Variants in KIRREL3 observed in about 807,000 individuals in gnomAD.
KIRREL3 encodes kin of IRRE-like protein 3.
A neutral mutation model predicts 89.7 loss-of-function variants in KIRREL3; 36 were observed. That is an observed-to-expected ratio of 0.40 (90% CI 0.31 to 0.53). The LOEUF (loss-of-function observed/expected upper bound fraction) is 0.53. Ranked by LOEUF, KIRREL3 falls within the 20% of genes least tolerant of loss-of-function variation. The probability of loss-of-function intolerance (pLI) is 0.49; values close to 1 mark genes in which losing one functional copy is unlikely to be tolerated. For synonymous variants in KIRREL3, 445 were observed against 441.4 expected, an observed-to-expected ratio of 1.01 and a Z score of -0.10; for missense variants, 864 against 1,056.6, an observed-to-expected ratio of 0.82 and a Z score of 2.53.
At chr11:126,600,662 G>T in intron 1 of KIRREL3, among the ~76,000 whole-genome samples, 1 of 152,146 alleles carries the variant, frequency 6.6e-6, no homozygotes, top group East Asian at 1.9e-4. Context: ...CAGAAAAAAT[G>T]GAAGAAAGAC....
intron 2 of KIRREL3, among the ~76,000 whole-genome samples, chr11:126,548,914 C>G (rs369487554): frequency 1.9e-4 from 29 of 152,286 alleles, no homozygotes; most frequent in Middle Eastern, 3.4e-3. Context: ...CAGCCACACT[C>G]ACACCTCTGT....
At position 126,923,213 on chromosome 11, in the gene KIRREL3, CTTCTTCTTCT is replaced by C. The variant is rs1565423580; in HGVS notation, c.55+77232_55+77241del. On this transcript the variant is annotated intron_variant, in intron 1 of 16. Coordinates refer to ENST00000525144, the MANE Select transcript of KIRREL3 (RefSeq NM_032531.4). Reference sequence around the variant, plus strand: ...TCTTCTTCTTCTTCTTCTTCTTCTTCTTCTTCTTCTTCTTCTTCTTCTTCTTCTTCTTCTT... The same window carrying C: ...TCTTCTTCTTCTTCTTCTTCTTCTTCTCTTCTTCTTCTTCTTCTTCTTCTT... Among the ~76,000 whole-genome samples, 11 of 19,250 alleles carry C rather than the reference CTTCTTCTTCT, an allele frequency of 5.7e-4. 1 individual carries two copies. The highest frequency in any genetic ancestry group is 1.6e-3 in the Admixed American group (3 of 1,928). The allele number at this position is 19,250 out of a possible 152,430, so 12.6% of individuals were successfully genotyped here.
At chr11:126,863,424 TGTGTGTGAGTGC>T (rs1337825388) in intron 1 of KIRREL3, among the ~76,000 whole-genome samples, 2 of 7,230 alleles carry the variant, frequency 2.8e-4, no homozygotes, top group Non-Finnish European at 5.2e-4. Context: ...TGTGAGCGCA[TGTGTGTGAGTGC>T]GTGTGTGAGT....
chr11:126,906,314 G>A lies in KIRREL3; in HGVS notation c.55+94141C>T, dbSNP rs146498538. Among the ~76,000 whole-genome samples the A allele has an allele frequency of 7.5e-4, 114 of 152,256 alleles. No individual in the cohort carries two copies. The highest frequency in any genetic ancestry group is 1.4e-3 in the Non-Finnish European group (93 of 68,022). ...TTGTGTGACTGATGAGCCACTTTTCGTTGTTTGCTTTCTTAAAAATAAGCA... is the reference window on the plus strand; with the variant it reads ...TTGTGTGACTGATGAGCCACTTTTCATTGTTTGCTTTCTTAAAAATAAGCA... On this transcript the variant is annotated intron_variant, in intron 1 of 16. Transcript: ENST00000525144. This position sits in a 1 kb window ranked among gnomAD's most constrained non-coding sequence, Gnocchi z 4.1.
At chr11:126,753,462 A>G (rs1949401590) in intron 1 of KIRREL3, among the ~76,000 whole-genome samples, 1 of 152,242 alleles carries the variant, frequency 6.6e-6, no homozygotes, top group African/African-American at 2.4e-5. Flanking sequence ...CAATTGAAAA[A>G]GAGGCTTTTG....
chr11:126,572,061 A>C (rs536437608), intron 1 of KIRREL3, among the ~76,000 whole-genome samples: 1 of 152,220 alleles, frequency 6.6e-6, no homozygotes, highest in Non-Finnish European at 1.5e-5. Flanking sequence ...GATGCTCGAC[A>C]GCTATGTGTC....
At position 126,459,073 on chromosome 11, in the gene KIRREL3, G is replaced by A. The variant is rs1185412840; in HGVS notation, c.743-2619C>T. 5.9e-5 allele frequency among the ~76,000 whole-genome samples: 9 copies of A among 152,108 alleles called. No individual in the cohort carries two copies. Among genetic ancestry groups the A allele is most frequent in the African/African-American group, 1.4e-4 (6 of 41,468 alleles). On this transcript the variant is annotated intron_variant, in intron 6 of 16. Coordinates refer to ENST00000525144, the MANE Select transcript of KIRREL3 (RefSeq NM_032531.4). This position sits in a 1 kb window ranked among gnomAD's most constrained non-coding sequence, Gnocchi z 4.8. The stretch of plus-strand genomic sequence containing the variant: ...GCAGAGGAGCTTGGGAATCGCCACC[G>A]GATCCAAACGCATTGCTGGCCCGTG...
intron 5 of KIRREL3, among the ~76,000 whole-genome samples, chr11:126,472,426 C>A (rs1217606182): frequency 6.6e-6 from 1 of 152,156 alleles, no homozygotes; most frequent in African/African-American, 2.4e-5. Flanking sequence ...GTGGAAGGGA[C>A]AAGGGGTCTC....
rs1955583652 is a variant in KIRREL3 at position 126,441,986 on chromosome 11, T to C, written c.1253-1437A>G. On this transcript the variant is annotated intron_variant, in intron 10 of 16. Transcript: ENST00000525144. This position sits in a 1 kb window ranked among gnomAD's most constrained non-coding sequence, Gnocchi z 5.0. ...AAAACGTGATGATAATATAAAACCT[T>C]TTCTGGTCAGGTGCGGTGGCTCACA... Among the ~76,000 whole-genome samples, 1 of 152,044 alleles carries C rather than the reference T, an allele frequency of 6.6e-6. No individual in the cohort carries two copies. The highest frequency in any genetic ancestry group is 1.5e-5 in the Non-Finnish European group (1 of 68,014).
intron 1 of KIRREL3, among the ~76,000 whole-genome samples, chr11:126,836,410 C>T (rs1366803404): frequency 6.6e-6 from 1 of 152,142 alleles, no homozygotes; most frequent in East Asian, 1.9e-4. Context: ...TGTGCCCTTA[C>T]CAGGATTCTA....
Position 126,687,902 on chromosome 11 carries a change from C to T in KIRREL3, c.56-124990G>A, listed in dbSNP as rs1450199239. Among the ~76,000 whole-genome samples the T allele has an allele frequency of 2.0e-5, 3 of 151,934 alleles. No homozygotes were observed. Among genetic ancestry groups the T allele is most frequent in the African/African-American group, 4.8e-5 (2 of 41,340 alleles). ...GCGAGGGAGAAAGCCCTCCTAGGCC[C>T]GAAGCAGCAAAAGAAAGCATCTAGA... On this transcript the variant is annotated intron_variant, in intron 1 of 16. Transcript: ENST00000525144. The surrounding 1 kb of genome is among the most constrained non-coding windows in gnomAD (Gnocchi z 4.6).
chr11:126,680,397 G>GATATATAT lies in KIRREL3; in HGVS notation c.56-117493_56-117486dup, dbSNP rs150251599. On this transcript the variant is annotated intron_variant, in intron 1 of 16. Coordinates refer to ENST00000525144, the MANE Select transcript of KIRREL3 (RefSeq NM_032531.4). ...AATGCTCATCAACTCTTCTACTGGA[G>GATATATAT]ATATATATATATATATATACACATA... Among the ~76,000 whole-genome samples the GATATATAT allele has an allele frequency of 5.7e-4, 82 of 144,174 alleles. 1 individual carries two copies. In the South Asian group the frequency reaches 9.6e-3, roughly 17 times the overall value. 94.6% of individuals were successfully genotyped at this position (144,174 alleles called of 152,430 possible).
rs2135080174 is a variant in KIRREL3 at position 126,676,659 on chromosome 11, G to C, written c.56-113747C>G. 6.6e-6 allele frequency among the ~76,000 whole-genome samples: 1 copy of C among 152,268 alleles called. No individual in the cohort carries two copies. The highest frequency in any genetic ancestry group is 2.4e-5 in the African/African-American group (1 of 41,548). ...TCCTGGACTCTCCTTGCCTGGACTT[G>C]AGGTAACTGCCTTGGCCTCCCTAAG... On this transcript the variant is annotated intron_variant, in intron 1 of 16. Transcript: ENST00000525144. The surrounding 1 kb of genome is among the most constrained non-coding windows in gnomAD (Gnocchi z 4.5).
chr11:126,998,990 A>G (rs1950248728), intron 1 of KIRREL3, among the ~76,000 whole-genome samples: 1 of 150,150 alleles, frequency 6.7e-6, no homozygotes, highest in Non-Finnish European at 1.5e-5. Flanking sequence ...TCCAAGAAAG[A>G]GGGTAATCTT....
intron 1 of KIRREL3, among the ~76,000 whole-genome samples, chr11:126,887,878 T>C (rs972695870): frequency 2.0e-5 from 3 of 152,134 alleles, no homozygotes; most frequent in African/African-American, 7.2e-5. Flanking sequence ...TCCCTGGGGA[T>C]GGAATGAGAC....
Position 126,550,983 on chromosome 11 carries a change from C to G in KIRREL3, c.133+11852G>C, listed in dbSNP as rs1454466096. Among the ~76,000 whole-genome samples, 2 of 152,208 alleles carry G rather than the reference C, an allele frequency of 1.3e-5. No homozygotes were observed. The highest frequency in any genetic ancestry group is 2.9e-5 in the Non-Finnish European group (2 of 68,040). ...TCAGGCTTCCAGAACTTCTGGCAGA[C>G]CCGCTGCAAGTTGGGGGTTCCCAAG... is the stretch of plus-strand genomic sequence containing the variant. On this transcript the variant is annotated intron_variant, in intron 2 of 16. Transcript: ENST00000525144. The surrounding 1 kb of genome is among the most constrained non-coding windows in gnomAD (Gnocchi z 4.9).
At chr11:126,810,335 G>A (rs561050609) in intron 1 of KIRREL3, among the ~76,000 whole-genome samples, 1 of 152,306 alleles carries the variant, frequency 6.6e-6, no homozygotes, top group South Asian at 2.1e-4. Context: ...TCCCTGTTAT[G>A]TTGTCAAAAC....
chr11:126,462,213 C>T lies in KIRREL3; in HGVS notation c.742+944G>A, dbSNP rs940944024. On this transcript the variant is annotated intron_variant, in intron 6 of 16. Coordinates refer to ENST00000525144, the MANE Select transcript of KIRREL3 (RefSeq NM_032531.4). The surrounding 1 kb of genome is among the most constrained non-coding windows in gnomAD (Gnocchi z 4.8). The stretch of plus-strand genomic sequence containing the variant: ...CAACATGAATCCTAACACGGGCCAC[C>T]GAGGGCTGGCTGGGCAGGAGTGTGG... Among the ~76,000 whole-genome samples the T allele has an allele frequency of 1.5e-4, 23 of 152,040 alleles. No individual in the cohort carries two copies. Among genetic ancestry groups the T allele is most frequent in the African/African-American group, 5.1e-4 (21 of 41,386 alleles).
chr11:126,610,031 C>T lies in KIRREL3; in HGVS notation c.56-47119G>A, dbSNP rs747680499. On this transcript the variant is annotated intron_variant, in intron 1 of 16. Coordinates refer to ENST00000525144, the MANE Select transcript of KIRREL3 (RefSeq NM_032531.4). This position sits in a 1 kb window ranked among gnomAD's most constrained non-coding sequence, Gnocchi z 4.6. ...CTCAGGGAGGTTAAGTAAATGAGGC[C>T]GAAGTCACACATTGTTTCAGTTACA... 1.4e-4 allele frequency among the ~76,000 whole-genome samples: 21 copies of T among 152,054 alleles called. No homozygotes were observed. Among genetic ancestry groups the T allele is most frequent in the Admixed American group, 4.6e-4 (7 of 15,280 alleles).
Sources: gnomAD v4.1 joint callset for allele counts (sites outside exome capture counted in the v4.1 genomes callset) on GRCh38, gnomAD v4.1.1 for gene constraint, Gnocchi (gnomAD v3.1) non-coding constraint, MANE v1.5 for transcripts, NCBI Gene and HGNC (gene_info 2026-07-23, HGNC 2026-07-21) for gene names.